COG5: variants seen among roughly 807,000 people sequenced by gnomAD.
The protein encoded by COG5 is conserved oligomeric Golgi complex subunit 5.
Under a neutral mutation model 110.4 loss-of-function variants are expected in COG5, and 86 were observed. The ratio of observed to expected loss-of-function variants is 0.78; its 90% CI spans 0.65 to 0.93. COG5 has a LOEUF of 0.93. COG5 is among the 40% of genes least tolerant of loss of function. COG5 has a pLI of 0.00. For synonymous variants in COG5, 360 were observed against 334.6 expected (o/e 1.08, Z -0.83); for missense variants, 1,077 against 987.0 (o/e 1.09, Z -1.22).
chr7:107,362,890 A>C (rs936592492), intron 8 of COG5, among the ~76,000 whole-genome samples: 5 of 152,168 alleles, frequency 3.3e-5, no homozygotes, highest in African/African-American at 1.2e-4. Context: ...TCAAATTGAC[A>C]ATATAACCAC....
intron 21 of COG5, chr7:107,209,760 T>C: frequency 1.1e-6 from 1 of 946,478 alleles, no homozygotes; most frequent in Non-Finnish European, 1.3e-6. Context: ...GGGCCTACCA[T>C]GCTGATAAAA....
intron 10 of COG5, among the ~76,000 whole-genome samples, chr7:107,331,336 C>T (rs375059910): frequency 2.0e-5 from 3 of 151,878 alleles, no homozygotes; most frequent in Non-Finnish European, 2.9e-5. Flanking sequence ...GGCGTGGTGG[C>T]GGGTGCCTAT....
intron 12 of COG5, among the ~76,000 whole-genome samples, chr7:107,295,085 ATATATATATATATATAT>A (rs1421756546): frequency 7.3e-5 from 5 of 68,354 alleles, no homozygotes; most frequent in Admixed American, 6.6e-4. Flanking sequence ...ATATATATAT[ATATATATATATATATAT>A]TTTTTTTTTT....
chr7:107,377,834 C>G (rs1257486035), intron 7 of COG5, among the ~76,000 whole-genome samples: 1 of 152,220 alleles, frequency 6.6e-6, no homozygotes, highest in Non-Finnish European at 1.5e-5. Context: ...CTCCCTGGGA[C>G]AGAGCACCTG....
At chr7:107,423,225 T>C (rs915755890) in intron 6 of COG5, among the ~76,000 whole-genome samples, 1 of 152,182 alleles carries the variant, frequency 6.6e-6, no homozygotes, top group Non-Finnish European at 1.5e-5. Flanking sequence ...TATATTTTGA[T>C]ATTTGCTTTT....
intron 14 of COG5, among the ~76,000 whole-genome samples, chr7:107,261,450 C>T (rs1304060559): frequency 6.6e-6 from 1 of 152,068 alleles, no homozygotes; most frequent in Non-Finnish European, 1.5e-5. Context: ...CTTACAAAAC[C>T]ACAGTTGTTA....
At chr7:107,384,233 C>T (rs1372835388) in intron 7 of COG5, among the ~76,000 whole-genome samples, 1 of 152,114 alleles carries the variant, frequency 6.6e-6, no homozygotes, top group Non-Finnish European at 1.5e-5. Flanking sequence ...AAATAGCGCC[C>T]CCTGTCAGCA....
chr7:107,276,385 T>C (rs1804703586), intron 14 of COG5, among the ~76,000 whole-genome samples: 1 of 152,170 alleles, frequency 6.6e-6, no homozygotes, highest in African/African-American at 2.4e-5. Flanking sequence ...AAACTTTCCA[T>C]TGTGGCTAGG....
In COG5 at chr7:107,493,238, T is replaced by C. The variant is rs536223953; in HGVS notation, c.538+33999A>G. Among the ~76,000 whole-genome samples, 3 of 152,316 alleles carry C rather than the reference T, an allele frequency of 2.0e-5. No individual in the cohort carries two copies. The South Asian group carries it at 6.2e-4, about 32-fold the overall frequency. On this transcript the variant is annotated intron_variant, in intron 6 of 21. Coordinates refer to ENST00000297135, the MANE Select transcript of COG5 (RefSeq NM_006348.5). ...ATGGCAACAACTTGTTCTTGGACTT[T>C]CTTGCCTCCAGAACTGTGAGATACT...
At chr7:107,557,725 T>C (rs1026360022) in intron 2 of COG5, among the ~76,000 whole-genome samples, 1 of 152,222 alleles carries the variant, frequency 6.6e-6, no homozygotes, top group Non-Finnish European at 1.5e-5. Context: ...GCCCACTATA[T>C]TCGTTGCACA....
intron 10 of COG5, among the ~76,000 whole-genome samples, chr7:107,332,334 A>AGAGTGGAGAGAGAGGAGT (rs1464464781): frequency 1.3e-5 from 2 of 152,208 alleles, no homozygotes; most frequent in Non-Finnish European, 2.9e-5. Flanking sequence ...GAAATGATTC[A>AGAGTGGAGAGAGAGGAGT]GAGTGGAGAG....
intron 14 of COG5, among the ~76,000 whole-genome samples, chr7:107,263,998 G>C (rs1039048963): frequency 1.3e-5 from 2 of 152,050 alleles, no homozygotes; most frequent in African/African-American, 4.8e-5. Context: ...TATTTGTGGG[G>C]AGTTATAAAG....
chr7:107,509,204 G>T (rs1233747580), intron 6 of COG5, among the ~76,000 whole-genome samples: 1 of 152,192 alleles, frequency 6.6e-6, no homozygotes, highest in Non-Finnish European at 1.5e-5. Flanking sequence ...GTCCTTAAAG[G>T]AGCTGAGGTA....
At chr7:107,448,936 AAT>A (rs1795168928) in intron 6 of COG5, among the ~76,000 whole-genome samples, 1 of 152,198 alleles carries the variant, frequency 6.6e-6, no homozygotes, top group Admixed American at 6.5e-5. Flanking sequence ...AATATACACA[AAT>A]ATATTATAAA....
Position 107,298,421 on chromosome 7 carries a change from T to C in COG5, c.1109-75A>G, listed in dbSNP as rs1356777782. 7 of 1,255,224 alleles carry C rather than the reference T, an allele frequency of 5.6e-6. No homozygotes were observed. In the Admixed American group the frequency reaches 7.8e-5, roughly 14 times the overall value. 77.8% of individuals were successfully genotyped at this position (1,255,224 alleles called of 1,614,324 possible). The stretch of plus-strand genomic sequence containing the variant: ...AATGTTTCTTTTGCATATGAAGATA[T>C]GTTCCAAATAACCCATACTATAGGG... On this transcript the variant is annotated intron_variant, in intron 11 of 21. Coordinates refer to ENST00000297135, the MANE Select transcript of COG5 (RefSeq NM_006348.5).
In COG5 at chr7:107,440,619, TCC is replaced by T. The variant is rs112652290; in HGVS notation, c.539-27989_539-27988del. Among the ~76,000 whole-genome samples, 1,103 of 152,132 alleles carry T rather than the reference TCC, an allele frequency of 7.3e-3. 17 individuals are homozygous for T. The highest frequency in any genetic ancestry group is 0.026 in the African/African-American group (1,059 of 41,492). On this transcript the variant is annotated intron_variant, in intron 6 of 21. Coordinates refer to ENST00000297135, the MANE Select transcript of COG5 (RefSeq NM_006348.5). ...ATGATTAGAGGATTGGAATTTTCAA[TCC>T]CACCCCACACCAACTTCTGGGGAGG...
chr7:107,362,470 A>AAT (rs138976504), intron 8 of COG5, 50 bp from the exon 9 acceptor site: 1,772 of 985,124 alleles, frequency 1.8e-3, no homozygotes, highest in Non-Finnish European at 2.3e-3. Flanking sequence ...TCCAAAGGCA[A>AAT]ATATATATAT....
At chr7:107,209,349 G>T in intron 21 of COG5, 1 of 363,228 alleles carries the variant, frequency 2.8e-6, no homozygotes, top group Non-Finnish European at 3.8e-6. Flanking sequence ...AAGACAGGGA[G>T]TATAAGAGAA....
chr7:107,276,931 C>T (rs1804744808), intron 14 of COG5, among the ~76,000 whole-genome samples: 1 of 152,090 alleles, frequency 6.6e-6, no homozygotes, highest in Non-Finnish European at 1.5e-5. Context: ...TACAAAAGAG[C>T]ATCTAGAAAG....
Sources: gnomAD v4.1 joint callset for allele counts (sites outside exome capture counted in the v4.1 genomes callset) on GRCh38, gnomAD v4.1.1 for gene constraint, MANE v1.5 for transcripts, NCBI Gene and HGNC (gene_info 2026-07-23, HGNC 2026-07-21) for gene names.